ERBB4: variants seen among roughly 807,000 people sequenced by gnomAD.
The protein encoded by ERBB4 is receptor tyrosine-protein kinase erbB-4.
In ERBB4, 42 loss-of-function variants were observed where a neutral mutation model predicts 158.0. The observed-to-expected ratio is 0.27, with a 90% CI of 0.21 to 0.34. The LOEUF is 0.34. Ranked by LOEUF, ERBB4 falls within the 10% of genes least tolerant of loss-of-function variation. ERBB4 has a pLI of 1.00. For synonymous variants in ERBB4, 583 were observed against 558.7 expected (o/e 1.04, Z -0.61); for missense variants, 1,333 against 1,624.1 (o/e 0.82, Z 3.08).
chr2:212,450,072 G>A (rs1032230140), intron 1 of ERBB4, among the ~76,000 whole-genome samples: 10 of 152,122 alleles, frequency 6.6e-5, no homozygotes, highest in African/African-American at 1.9e-4. Context: ...CACTTCAGAG[G>A]TGATGTTGAC....
chr2:211,963,775 T>C (rs754908531), intron 2 of ERBB4, among the ~76,000 whole-genome samples: 5 of 152,196 alleles, frequency 3.3e-5, no homozygotes, highest in South Asian at 4.1e-4. Context: ...GTTCTATTTA[T>C]AAGCAAATTT....
chr2:211,627,523 T>C (rs1217176142), intron 17 of ERBB4, among the ~76,000 whole-genome samples: 2 of 152,244 alleles, frequency 1.3e-5, no homozygotes, highest in African/African-American at 4.8e-5. Flanking sequence ...CCAGAAACTT[T>C]CACAGGATAC....
chr2:211,712,115 A>G lies in ERBB4; in HGVS notation c.1059T>C (p.Ile353=), dbSNP rs754488015. 11 of 1,612,294 alleles carry G rather than the reference A, an allele frequency of 6.8e-6. No homozygotes were observed. The highest frequency in any genetic ancestry group is 8.5e-6 in the Non-Finnish European group (10 of 1,178,488). ...MSAQTVDSSN[I]DKFINCTKIN... is the part of the protein sequence containing the mutation. Reference sequence around the variant, plus strand: ...TCTTGGTACAGTTTATGAATTTGTCAATGTTACTGGAATCCACAGTCTGAG... The same window carrying G: ...TCTTGGTACAGTTTATGAATTTGTCGATGTTACTGGAATCCACAGTCTGAG... Residue 353 remains isoleucine (I), a synonymous_variant, in exon 9 of 28, where the codon ATT becomes ATC. Coordinates refer to ENST00000342788, the MANE Select transcript of ERBB4 (RefSeq NM_005235.3).
intron 25 of ERBB4, among the ~76,000 whole-genome samples, chr2:211,413,309 A>AAAACAC (rs1553524037): frequency 9.5e-5 from 9 of 94,576 alleles, no homozygotes; most frequent in East Asian, 2.4e-4. Flanking sequence ...CTGTCTTAAA[A>AAAACAC]ACACACACAC....
At chr2:212,292,233 T>A (rs2086232811) in intron 1 of ERBB4, among the ~76,000 whole-genome samples, 2 of 152,016 alleles carry the variant, frequency 1.3e-5, no homozygotes, top group Non-Finnish European at 1.5e-5. Context: ...TTTTAAAGTA[T>A]AATTTTAAAT....
At chr2:211,690,066 T>C (rs2072740237) in intron 12 of ERBB4, among the ~76,000 whole-genome samples, 1 of 148,440 alleles carries the variant, frequency 6.7e-6, no homozygotes, top group Admixed American at 6.8e-5. Context: ...CAATGTAATA[T>C]ATATTATGTA....
chr2:212,316,904 G>T (rs1241627054), intron 1 of ERBB4, among the ~76,000 whole-genome samples: 2 of 151,436 alleles, frequency 1.3e-5, no homozygotes, highest in African/African-American at 4.8e-5. Context: ...ATAAATGTTA[G>T]TTTATCATTA....
At chr2:212,171,622 T>C (rs1220913209) in intron 1 of ERBB4, among the ~76,000 whole-genome samples, 1 of 152,072 alleles carries the variant, frequency 6.6e-6, no homozygotes, top group African/African-American at 2.4e-5. Flanking sequence ...TGTAGGTGTC[T>C]TCCCCCATGC....
chr2:212,036,697 C>A (rs113391141), intron 2 of ERBB4, among the ~76,000 whole-genome samples: 1 of 152,084 alleles, frequency 6.6e-6, no homozygotes, highest in Non-Finnish European at 1.5e-5. Context: ...ATCTCCTGAC[C>A]TCGTGATCCT....
At chr2:211,886,447 A>T (rs1423242778) in intron 3 of ERBB4, among the ~76,000 whole-genome samples, 6 of 152,232 alleles carry the variant, frequency 3.9e-5, no homozygotes, top group Non-Finnish European at 8.8e-5. Context: ...TGAAAGAAGG[A>T]TAAAACTTAA....
At chr2:212,192,124 A>G (rs1024534208) in intron 1 of ERBB4, among the ~76,000 whole-genome samples, 5 of 114,176 alleles carry the variant, frequency 4.4e-5, no homozygotes, top group African/African-American at 1.6e-4. Flanking sequence ...TATATATATT[A>G]TGTGTTATGT....
chr2:212,433,224 C>T (rs988808078), intron 1 of ERBB4, among the ~76,000 whole-genome samples: 8 of 151,956 alleles, frequency 5.3e-5, no homozygotes, highest in Non-Finnish European at 1.2e-4. Context: ...TAAAAACTTC[C>T]ACTAACTGAC....
At chr2:211,769,971 G>A (rs1040132605) in intron 4 of ERBB4, among the ~76,000 whole-genome samples, 10 of 152,102 alleles carry the variant, frequency 6.6e-5, no homozygotes, top group East Asian at 1.9e-4. Flanking sequence ...AAAATACTTC[G>A]TATCCTTCAA....
chr2:211,798,058 T>C (rs2076419207), intron 3 of ERBB4, among the ~76,000 whole-genome samples: 1 of 151,968 alleles, frequency 6.6e-6, no homozygotes, highest in Non-Finnish European at 1.5e-5. Flanking sequence ...ATGTATACAA[T>C]ATTTGTACAT....
At chr2:211,647,000 C>T (rs2070801140) in intron 16 of ERBB4, among the ~76,000 whole-genome samples, 1 of 151,622 alleles carries the variant, frequency 6.6e-6, no homozygotes, top group Non-Finnish European at 1.5e-5. Context: ...CGTCTCCTCC[C>T]TTTGGGCAAA....
chr2:211,845,591 G>A (rs753726225), intron 3 of ERBB4, among the ~76,000 whole-genome samples: 5 of 152,092 alleles, frequency 3.3e-5, no homozygotes, highest in Admixed American at 2.0e-4. Context: ...TGTGGACCAT[G>A]ATTACAAATT....
intron 12 of ERBB4, among the ~76,000 whole-genome samples, chr2:211,698,330 A>G (rs899121039): frequency 1.3e-5 from 2 of 151,706 alleles, no homozygotes; most frequent in Non-Finnish European, 2.9e-5. Context: ...AAAAAAAAAA[A>G]AAAGGGGAAT....
intron 20 of ERBB4, among the ~76,000 whole-genome samples, chr2:211,456,880 C>T (rs893033126): frequency 6.6e-6 from 1 of 152,162 alleles, no homozygotes; most frequent in Non-Finnish European, 1.5e-5. Context: ...TCACTTGCAG[C>T]CCCCTTCACC....
intron 2 of ERBB4, among the ~76,000 whole-genome samples, chr2:211,956,203 T>G (rs2081024968): frequency 6.6e-6 from 1 of 152,084 alleles, no homozygotes; most frequent in South Asian, 2.1e-4. Context: ...CACATTAAGC[T>G]CCAATGACTT....
Sources: gnomAD v4.1 joint callset for allele counts (sites outside exome capture counted in the v4.1 genomes callset) on GRCh38, gnomAD v4.1.1 for gene constraint, MANE v1.5 for transcripts, NCBI Gene and HGNC (gene_info 2026-07-23, HGNC 2026-07-21) for gene names.